The following EDEM1 variants were observed in gnomAD, a reference collection of about 807,000 sequenced individuals.
EDEM1 encodes ER degradation enhancing alpha-mannosidase like protein 1.
EDEM1 carries 67 observed loss-of-function variants against 74.4 expected under a neutral mutation model. The observed-to-expected ratio is 0.90, with a 90% CI of 0.74 to 1.10. EDEM1 has a LOEUF of 1.10. Among genes scored for constraint, EDEM1 ranks in the 50% least tolerant of loss-of-function variants. The pLI is 0.00. For missense variants in EDEM1, 926 were observed against 851.6 expected, an observed-to-expected ratio of 1.09 and a Z score of -1.09; for synonymous variants, 382 against 335.9, an observed-to-expected ratio of 1.14 and a Z score of -1.50.
Position 5,211,653 on chromosome 3 carries a change from AGTGTGTGTGTGT to A in EDEM1, c.1680+462_1680+473del, listed in dbSNP as rs34661098. ...ACATCCTCAGGCACATGAGTGAGTG[AGTGTGTGTGTGT>A]GTGTGTGTGTGTGTGTGTGTGTGTA... is the stretch of plus-strand genomic sequence containing the variant. On this transcript the variant is annotated intron_variant, in intron 10 of 11. Transcript: ENST00000256497. Among the ~76,000 whole-genome samples, 8 of 146,970 alleles carry A rather than the reference AGTGTGTGTGTGT, an allele frequency of 5.4e-5. No homozygotes were observed. The East Asian group carries it at 1.6e-3, about 29-fold the overall frequency.
chr3:5,199,535 A>G, intron 2 of EDEM1, 57 bp from the exon 3 acceptor site: 5 of 1,325,774 alleles, frequency 3.8e-6, no homozygotes, highest in Non-Finnish European at 5.4e-6. Flanking sequence ...TGCTGTGATG[A>G]TACAGCCTCA....
chr3:5,210,714 G>GT (rs554887656), intron 9 of EDEM1, among the ~76,000 whole-genome samples: 99 of 146,778 alleles, frequency 6.7e-4, no homozygotes, highest in Admixed American at 9.6e-4. Flanking sequence ...CCTGCTGTAA[G>GT]TTTTTTTTTT....
chr3:5,203,100 A>G lies in EDEM1; in HGVS notation c.993A>G (p.Arg331=). Residue 331 remains arginine, a synonymous_variant, in exon 5 of 12, where the codon CGA becomes CGG. Transcript: ENST00000256497. ...CCACATTTGAGTGGGTGGCCAGACGAGCAGTGAAAGCCCTTTGGAACCTCC... is the reference window on the plus strand; with the variant it reads ...CCACATTTGAGTGGGTGGCCAGACGGGCAGTGAAAGCCCTTTGGAACCTCC... ...GDSTFEWVAR[R]AVKALWNLRS... The G allele has an allele frequency of 6.2e-7, 1 of 1,609,560 alleles. No individual in the cohort carries two copies. Among genetic ancestry groups the G allele is most frequent in the Non-Finnish European group, 8.5e-7 (1 of 1,178,080 alleles).
Position 5,218,574 on chromosome 3 carries a change from A to G in EDEM1, c.*2656A>G, listed in dbSNP as rs980543137. On this transcript the variant is annotated 3_prime_UTR_variant, in exon 12 of 12. Transcript: ENST00000256497. ...GGCTCTGAGCCTGGCCCATCTTCCT[A>G]TTCCCACGTGTAGCTAGTGTCTAGT... The G allele has an allele frequency of 6.6e-6, 1 of 152,068 alleles. No individual in the cohort carries two copies. The highest frequency in any genetic ancestry group is 1.9e-4 in the East Asian group (1 of 5,190). The allele number at this position is 152,068 out of a possible 1,614,324, so 9.4% of individuals were successfully genotyped here.
At chr3:5,194,473 C>A (rs897464421) in intron 1 of EDEM1, among the ~76,000 whole-genome samples, 2 of 152,178 alleles carry the variant, frequency 1.3e-5, no homozygotes, top group Non-Finnish European at 2.9e-5. Flanking sequence ...GCCTGAGGAG[C>A]TTCACCCTTG....
Position 5,189,782 on chromosome 3 carries a change from A to C in EDEM1, c.509+1468A>C, listed in dbSNP as rs572508293. Among the ~76,000 whole-genome samples, 6 of 152,248 alleles carry C rather than the reference A, an allele frequency of 3.9e-5. No homozygotes were observed. In the South Asian group the frequency reaches 1.2e-3, roughly 32 times the overall value. ...CGCCCGGCTAATTTTTTGTATTTTTAGTAGAGACGGGGTTTCACCGTATTA... is the reference window on the plus strand; with the variant it reads ...CGCCCGGCTAATTTTTTGTATTTTTCGTAGAGACGGGGTTTCACCGTATTA... On this transcript the variant is annotated intron_variant, in intron 1 of 11. Coordinates refer to ENST00000256497, the MANE Select transcript of EDEM1 (RefSeq NM_014674.3).
chr3:5,203,012 G>A lies in EDEM1; in HGVS notation c.905G>A (p.Cys302Tyr). ...GVPPDTNNET[C>Y]TAGAGSLLVE... Reference sequence around the variant, plus strand: ...CCTCCTGACACCAATAATGAGACATGCACAGCGGGAGCCGGTTCCCTCCTG... The same window carrying A: ...CCTCCTGACACCAATAATGAGACATACACAGCGGGAGCCGGTTCCCTCCTG... Residue 302 changes from cysteine (C) to tyrosine (Y), a missense_variant, in exon 5 of 12, where the codon TGC (cysteine) becomes TAC (tyrosine). Transcript: ENST00000256497. 6.2e-7 allele frequency: 1 copy of A among 1,613,960 alleles called. No homozygotes were observed. Among genetic ancestry groups the A allele is most frequent in the South Asian group, 1.1e-5 (1 of 91,074 alleles).
chr3:5,210,135 C>G (rs200565135), intron 8 of EDEM1, 40 bp from the exon 9 acceptor site: 3 of 1,572,822 alleles, frequency 1.9e-6, no homozygotes, highest in South Asian at 1.1e-5. Context: ...GCATGTCTTC[C>G]AAGCCCATGC....
rs2055244323 is a variant in EDEM1 at position 5,216,910 on chromosome 3, C to G, written c.*992C>G. On this transcript the variant is annotated 3_prime_UTR_variant, in exon 12 of 12. Transcript: ENST00000256497. ...TTCTGACCATATTTGGGTTAGAGTTCTGTTTTGTTTCTGTTTTCTGTGTCT... is the reference window on the plus strand; with the variant it reads ...TTCTGACCATATTTGGGTTAGAGTTGTGTTTTGTTTCTGTTTTCTGTGTCT... 6.6e-6 allele frequency: 1 copy of G among 152,600 alleles called. No individual in the cohort carries two copies. Among genetic ancestry groups the G allele is most frequent in the African/African-American group, 2.4e-5 (1 of 41,452 alleles). The allele number at this position is 152,600 out of a possible 1,614,324, so 9.5% of individuals were successfully genotyped here.
chr3:5,211,742 C>T (rs1216219770), intron 10 of EDEM1, among the ~76,000 whole-genome samples: 3 of 151,822 alleles, frequency 2.0e-5, no homozygotes, highest in Admixed American at 2.0e-4. Flanking sequence ...ACCTAATGTT[C>T]ATATGTTCAT....
At chr3:5,189,117 A>T (rs529331361) in intron 1 of EDEM1, among the ~76,000 whole-genome samples, 42 of 152,184 alleles carry the variant, frequency 2.8e-4, no homozygotes, top group Admixed American at 2.6e-4. Context: ...TGTTGACATC[A>T]AAGTCCAAGA....
intron 1 of EDEM1, among the ~76,000 whole-genome samples, chr3:5,189,793 G>A (rs13069221): frequency 0.15 from 23,373 of 152,118 alleles, 2,364 homozygotes; most frequent in African/African-American, 0.28. Flanking sequence ...GTAGAGACGG[G>A]GTTTCACCGT....
chr3:5,213,290 G>A, intron 10 of EDEM1, 29 bp from the exon 11 acceptor site: 1 of 1,597,426 alleles, frequency 6.3e-7, no homozygotes, highest in African/African-American at 1.3e-5. Flanking sequence ...TACAATTATT[G>A]GTTGTATCTT....
At chr3:5,189,414 A>G (rs937744420) in intron 1 of EDEM1, 1 of 152,234 alleles carries the variant, frequency 6.6e-6, no homozygotes, top group Non-Finnish European at 1.5e-5. Flanking sequence ...GTTTGAGAGC[A>G]TGATTTCTAC....
chr3:5,215,301 G>A (rs567991182), intron 11 of EDEM1, among the ~76,000 whole-genome samples: 6 of 150,712 alleles, frequency 4.0e-5, no homozygotes, highest in African/African-American at 9.8e-5. Context: ...TGGGGGTGGG[G>A]GGGTTTTAAT....
chr3:5,204,253 A>G (rs1412059205), intron 5 of EDEM1, among the ~76,000 whole-genome samples: 2 of 152,172 alleles, frequency 1.3e-5, no homozygotes, highest in East Asian at 1.9e-4. Context: ...TAATATAAAC[A>G]TATATTTTGA....
rs1392937971 is a variant in EDEM1, at chr3:5,216,315, T to G, written c.*397T>G. The G allele has an allele frequency of 1.3e-5, 2 of 155,488 alleles. No individual in the cohort carries two copies. The highest frequency in any genetic ancestry group is 1.4e-5 in the Non-Finnish European group (1 of 70,320). 9.6% of individuals were successfully genotyped at this position (155,488 alleles called of 1,614,324 possible). A position where few individuals can be genotyped will look rare whatever the true frequency, so the allele number is the denominator to read the frequency against. On this transcript the variant is annotated 3_prime_UTR_variant, in exon 12 of 12. Transcript: ENST00000256497. The stretch of plus-strand genomic sequence containing the variant: ...AAAAAATTTTTTTTATTATATTTTA[T>G]TTTTTTGAGACAGGGTCTTGATATT...
rs769017258 is a variant in EDEM1 at position 5,187,987 on chromosome 3, G to T, written c.182G>T (p.Gly61Val). Reference sequence around the variant, plus strand: ...GCGTCGCCCACCTCGGGGCCCGTGGGCCGGCCTGGGGGGGTATCCGGGCCG... The same window carrying T: ...GCGTCGCCCACCTCGGGGCCCGTGGTCCGGCCTGGGGGGGTATCCGGGCCG... ...GPASPTSGPV[G>V]RPGGVSGPSW... Residue 61 changes from glycine to valine, a missense_variant, in exon 1 of 12, where the codon GGC (glycine) becomes GTC (valine). Transcript: ENST00000256497. 2.8e-5 allele frequency: 43 copies of T among 1,533,628 alleles called. No homozygotes were observed. Among genetic ancestry groups the T allele is most frequent in the Non-Finnish European group, 3.1e-5 (36 of 1,143,038 alleles).
At chr3:5,210,296 A>T (rs1415861143) in intron 9 of EDEM1, 48 bp downstream of exon 9, 1 of 1,534,280 alleles carries the variant, frequency 6.5e-7, no homozygotes, top group East Asian at 2.2e-5. Flanking sequence ...CTTTTAATTT[A>T]TTTCAAATTG....
Sources: gnomAD v4.1 joint callset for allele counts (sites outside exome capture counted in the v4.1 genomes callset) on GRCh38, gnomAD v4.1.1 for gene constraint, MANE v1.5 for transcripts, NCBI Gene and HGNC (gene_info 2026-07-23, HGNC 2026-07-21) for gene names.